Variants in DNAH17 observed in about 807,000 individuals in gnomAD.
DNAH17 encodes axonemal beta dynein heavy chain 17.
A neutral mutation model predicts 485.6 loss-of-function variants in DNAH17; 376 were observed. The observed-to-expected ratio is 0.77, with a 90% CI of 0.71 to 0.84. The LOEUF is 0.84. DNAH17 is among the 40% of genes least tolerant of loss of function. The pLI is 0.00. For synonymous variants in DNAH17, 3,031 were observed against 2,405.9 expected (o/e 1.26, Z -7.60); for missense variants, 6,370 against 5,839.3 (o/e 1.09, Z -2.96).
intron 58 of DNAH17, among the ~76,000 whole-genome samples, chr17:78,461,200 G>A (rs1373467706): frequency 6.6e-6 from 1 of 152,162 alleles, no homozygotes. Flanking sequence ...ACGGATCGCG[G>A]GCATTTCGTT....
chr17:78,501,586 G>A lies in DNAH17; in HGVS notation c.5322+156C>T, dbSNP rs191530602. On this transcript the variant is annotated intron_variant, in intron 34 of 80. Transcript: ENST00000389840. Reference sequence around the variant, plus strand: ...CTGCTGTGTGTTGCTCACCAGGGGTGAGTCCGGGCAAGGAGGTTAGGAGGC... The same window carrying A: ...CTGCTGTGTGTTGCTCACCAGGGGTAAGTCCGGGCAAGGAGGTTAGGAGGC... 7.4e-4 allele frequency: 838 copies of A among 1,137,754 alleles called. 1 individual carries two copies. Among genetic ancestry groups the A allele is most frequent in the Non-Finnish European group, 9.9e-4 (807 of 813,556 alleles). The allele number at this position is 1,137,754 out of a possible 1,614,324, so 70.5% of individuals were successfully genotyped here.
intron 20 of DNAH17, among the ~76,000 whole-genome samples, chr17:78,531,174 T>G (rs1196613212): frequency 6.6e-6 from 1 of 151,994 alleles, no homozygotes; most frequent in Non-Finnish European, 1.5e-5. Flanking sequence ...TGTACTGGGG[T>G]CTCTCCCTTT....
chr17:78,526,771 C>T lies in DNAH17; in HGVS notation c.3625-34G>A, dbSNP rs191317661. On this transcript the variant is annotated intron_variant, in intron 23 of 80. Coordinates refer to ENST00000389840, the MANE Select transcript of DNAH17 (RefSeq NM_173628.4). ...GAAGAGTGCAAAGTACAGAGAGTCA[C>T]GGGGCGGCCACCTGCCCCAAGGGTG... 8.7e-5 allele frequency: 138 copies of T among 1,578,314 alleles called. 1 individual carries two copies. In the Admixed American group the frequency reaches 1.3e-3, roughly 15 times the overall value.
chr17:78,552,742 C>G lies in DNAH17; in HGVS notation c.2242G>C (p.Val748Leu). ...GTCGTTTCAGCGCTCAATAACTTGA[C>G]ATCAATTGCTTCCAGTTCTGACTTT... is the stretch of plus-strand genomic sequence containing the variant. ...LIKSELEAID[V>L]KLLSAETTLF... Residue 748 changes from valine (V) to leucine (L), a missense_variant, in exon 15 of 81, where the codon GTC becomes CTC. Val to Leu is a conservative substitution (Grantham distance 32, BLOSUM62 1). Transcript: ENST00000389840. 6.2e-7 allele frequency: 1 copy of G among 1,613,950 alleles called. No individual in the cohort carries two copies. Among genetic ancestry groups the G allele is most frequent in the Non-Finnish European group, 8.5e-7 (1 of 1,179,822 alleles).
In DNAH17 at chr17:78,537,349, T is replaced by C; in HGVS notation, c.2809A>G (p.Asn937Asp). The C allele has an allele frequency of 6.2e-6, 10 of 1,606,552 alleles. No individual in the cohort carries two copies. Among genetic ancestry groups the C allele is most frequent in the Non-Finnish European group, 8.5e-6 (10 of 1,176,950 alleles). ...LIEGLVNDIYNVARLIPRLAK... is the reference protein window; with the variant it reads ...LIEGLVNDIYDVARLIPRLAK... The stretch of plus-strand genomic sequence containing the variant: ...AGCCGAGGGATGAGCCTGGCTACGT[T>C]GTAGATGTCGTTGACCAGGCCCTCG... The change falls in exon 19 of 81, where the codon AAC (asparagine) becomes GAC (aspartate). Residue 937 changes from asparagine (N) to aspartate (D), a missense_variant. Physicochemically the swap from Asn to Asp is conservative, Grantham distance 23 (BLOSUM62 1). Transcript: ENST00000389840.
At chr17:78,559,889 C>T (rs2092114526) in intron 13 of DNAH17, among the ~76,000 whole-genome samples, 1 of 152,132 alleles carries the variant, frequency 6.6e-6, no homozygotes, top group African/African-American at 2.4e-5. Context: ...CTTTTCTTTA[C>T]CCGCATGCCG....
chr17:78,429,029 C>A, intron 76 of DNAH17, 92 bp downstream of exon 76: 1 of 1,405,438 alleles, frequency 7.1e-7, no homozygotes, highest in Non-Finnish European at 9.8e-7. Flanking sequence ...GGTTCTTGCT[C>A]AATTATTGAC....
At chr17:78,527,056 T>C in intron 22 of DNAH17, 60 bp from the exon 23 acceptor site, 1 of 1,384,182 alleles carries the variant, frequency 7.2e-7, no homozygotes, top group South Asian at 1.3e-5. Context: ...AACCTTCTAT[T>C]GTGAAATAAT....
intron 6 of DNAH17, 57 bp downstream of exon 6, chr17:78,570,889 AAG>A: frequency 1.1e-6 from 1 of 927,742 alleles, no homozygotes. Flanking sequence ...GAAAAAAGAA[AAG>A]AAAAGAAAAG....
At chr17:78,522,141 A>C (rs1425696729) in intron 25 of DNAH17, 1 of 157,820 alleles carries the variant, frequency 6.3e-6, no homozygotes, top group East Asian at 1.9e-4. Flanking sequence ...TAACAGTAAA[A>C]AACTTAGTTT....
At chr17:78,495,585 G>A (rs930712079) in intron 38 of DNAH17, among the ~76,000 whole-genome samples, 3 of 151,984 alleles carry the variant, frequency 2.0e-5, no homozygotes, top group Admixed American at 6.6e-5. Context: ...TTACAGGCAT[G>A]CACCACCACA....
rs372686780 is a variant in DNAH17 at position 78,539,813 on chromosome 17, T to C, written c.2600A>G (p.Asp867Gly). The change falls in exon 18 of 81, where the codon GAC (aspartate) becomes GGC (glycine). Residue 867 changes from aspartate to glycine, a missense_variant. Asp to Gly is a moderately conservative substitution (Grantham distance 94). Coordinates refer to ENST00000389840, the MANE Select transcript of DNAH17 (RefSeq NM_173628.4). ...GTCAAATTCATCTAAGACCATGTCG[T>C]CAATGTAGATGACATAATCCTTCCA... Reference protein sequence around the residue: ...LPWKDYVIYIDDMVLDEFDQF... With the variant: ...LPWKDYVIYIGDMVLDEFDQF... The C allele has an allele frequency of 2.1e-5, 34 of 1,612,026 alleles. No individual in the cohort carries two copies. The Admixed American group carries it at 5.3e-4, about 25-fold the overall frequency.
At position 78,436,149 on chromosome 17, in the gene DNAH17, G is replaced by A. The variant is rs570166054; in HGVS notation, c.12033+1492C>T. 7.2e-5 allele frequency among the ~76,000 whole-genome samples: 11 copies of A among 152,324 alleles called. No individual in the cohort carries two copies. The South Asian group carries it at 1.5e-3, about 20-fold the overall frequency. On this transcript the variant is annotated intron_variant, in intron 74 of 80. Transcript: ENST00000389840. ...TATAGAATGATACAGGGTGTTGGCC[G>A]GGCGTGGTGGCTCACGCCTGTAATC...
intron 22 of DNAH17, among the ~76,000 whole-genome samples, chr17:78,527,842 G>T (rs555701752): frequency 2.5e-4 from 38 of 152,190 alleles, no homozygotes; most frequent in African/African-American, 9.2e-4. Flanking sequence ...GCAGTGGTGC[G>T]ATCTTGGCTC....
intron 54 of DNAH17, among the ~76,000 whole-genome samples, 165 bp from the exon 55 acceptor site, chr17:78,469,048 C>T (rs2088624980): frequency 6.6e-6 from 1 of 152,276 alleles, no homozygotes; most frequent in African/African-American, 2.4e-5. Context: ...ACTGCAACCT[C>T]CGTCTCCTGG....
chr17:78,467,135 C>T (rs141846168), intron 55 of DNAH17, among the ~76,000 whole-genome samples: 5 of 152,230 alleles, frequency 3.3e-5, no homozygotes, highest in East Asian at 1.9e-4. Context: ...CAGAACGGGC[C>T]GGGCTCCCAA....
At chr17:78,519,167 CAAAAAAAA>C (rs71161610) in intron 25 of DNAH17, among the ~76,000 whole-genome samples, 35 of 75,588 alleles carry the variant, frequency 4.6e-4, no homozygotes, top group South Asian at 3.8e-3. Flanking sequence ...GACTCCGTCT[CAAAAAAAA>C]AAAAAAAAAA....
At chr17:78,543,287 G>GTATTTTTTTTTTTTTTTTTTTTTT (rs1200669389) in intron 17 of DNAH17, among the ~76,000 whole-genome samples, 5 of 139,230 alleles carry the variant, frequency 3.6e-5, no homozygotes, top group African/African-American at 1.4e-4. Context: ...GTTAATTTTT[G>GTATTTTTTTTTTTTTTTTTTTTTT]TTTTTTTTTT....
At chr17:78,489,137 G>A (rs920615324) in intron 44 of DNAH17, among the ~76,000 whole-genome samples, 2 of 152,194 alleles carry the variant, frequency 1.3e-5, no homozygotes, top group African/African-American at 4.8e-5. Context: ...TGTCCCCATA[G>A]GGAACATTCC....
Sources: allele counts gnomAD v4.1 joint callset (sites outside exome capture counted in the v4.1 genomes callset), GRCh38; gene constraint gnomAD v4.1.1; transcripts MANE v1.5; gene names NCBI Gene and HGNC (gene_info 2026-07-23, HGNC 2026-07-21).